The following LZTR1 variants were observed in gnomAD, a reference collection of about 807,000 sequenced individuals.
The protein encoded by LZTR1 is leucine zipper like post translational regulator 1.
LZTR1 carries 260 observed loss-of-function variants against 105.7 expected under a neutral mutation model. The ratio of observed to expected loss-of-function variants is 2.46; its 90% CI spans 2.22 to 2.72. The LOEUF (loss-of-function observed/expected upper bound fraction) is 2.72, where lower values mean the gene tolerates loss of function less well. Among genes scored for constraint, LZTR1 ranks in the 30% most tolerant of loss-of-function variants. LZTR1 has a pLI of 0.00. For synonymous variants in LZTR1, 490 were observed against 476.4 expected (o/e 1.03, Z -0.37); for missense variants, 1,214 against 1,166.9 (o/e 1.04, Z -0.59).
chr22:20,993,750 G>GT lies in LZTR1; in HGVS notation c.1350dup (p.Glu451Ter). ...TTCTGCGACGTGGAGTTCGTGCTGG[G>GT]TGAGGTGGGTGCCTGTCCTCGCACC... On this transcript the variant is annotated frameshift_variant, in exon 12 of 21. Transcript: ENST00000646124. LOFTEE classifies it high-confidence loss of function. 6.2e-7 allele frequency: 1 copy of GT among 1,612,462 alleles called. No homozygotes were observed. Among genetic ancestry groups the GT allele is most frequent in the South Asian group, 1.1e-5 (1 of 91,022 alleles).
chr22:20,995,421 C>T (rs1312760573), intron 16 of LZTR1: 2 of 623,646 alleles, frequency 3.2e-6, no homozygotes, highest in East Asian at 3.5e-5. Flanking sequence ...CGGTTGCTGG[C>T]TCTTGGTGAT....
chr22:20,989,953 G>A (rs1208170419), intron 7 of LZTR1, among the ~76,000 whole-genome samples: 1 of 152,164 alleles, frequency 6.6e-6, no homozygotes, highest in Non-Finnish European at 1.5e-5. Flanking sequence ...TTGGTGCTTT[G>A]GATGGGCAGA....
chr22:20,992,741 C>T, intron 10 of LZTR1, 53 bp from the exon 11 acceptor site: 1 of 1,183,502 alleles, frequency 8.4e-7, no homozygotes, highest in South Asian at 1.3e-5. Flanking sequence ...GCACCAGCCG[C>T]ACTGTGGAGG....
chr22:20,994,428 A>G (rs1924737920), intron 14 of LZTR1, 130 bp from the exon 15 acceptor site: 2 of 1,259,456 alleles, frequency 1.6e-6, no homozygotes, highest in Non-Finnish European at 2.2e-6. Flanking sequence ...GCTGGACGCC[A>G]TCTGAGTCCC....
intron 16 of LZTR1, 39 bp downstream of exon 16, chr22:20,995,065 G>C: frequency 6.3e-7 from 1 of 1,578,872 alleles, no homozygotes; most frequent in Non-Finnish European, 8.6e-7. Flanking sequence ...GGCTGGGAGG[G>C]ATGGTGTTCA....
At position 20,996,701 on chromosome 22, in the gene LZTR1, TG is replaced by T; in HGVS notation, c.2226del (p.Leu742PhefsTer25). ...VNMPPEDSLY[L>X]FAAPYYYGFY... ...GCTCCTTAACCAGGCCCCAGCTACTTGTTTGCGGCCCCCTACTACTACGGCT... is the reference window on the plus strand; with the variant it reads ...GCTCCTTAACCAGGCCCCAGCTACTTTTTGCGGCCCCCTACTACTACGGCT... On this transcript the variant is annotated frameshift_variant, in exon 19 of 21. Coordinates refer to ENST00000646124, the MANE Select transcript of LZTR1 (RefSeq NM_006767.4). LOFTEE classifies it high-confidence loss of function. 1 of 1,613,440 alleles carries T rather than the reference TG, an allele frequency of 6.2e-7. No homozygotes were observed.
At position 20,991,789 on chromosome 22, in the gene LZTR1, T is replaced by TC; in HGVS notation, c.955dup (p.Gln319ProfsTer18). 1 of 1,552,788 alleles carries TC rather than the reference T, an allele frequency of 6.4e-7. No individual in the cohort carries two copies. Among genetic ancestry groups the TC allele is most frequent in the Non-Finnish European group, 8.7e-7 (1 of 1,147,966 alleles). ...GAGCTGCACTGCTATGACGTGGACT[T>TC]CCAGACCTGGGAGGTCGTCCAGCCC... is the stretch of plus-strand genomic sequence containing the variant. On this transcript the variant is annotated frameshift_variant, in exon 9 of 21. Transcript: ENST00000646124. LOFTEE classifies it high-confidence loss of function.
chr22:20,982,411 G>A lies in LZTR1; in HGVS notation c.40G>A (p.Ala14Thr). ...CAGCACGGGGGGGCAGATCGGGGCT[G>A]CGGCCCTGGCAGGCGGCGCGCGGTC... ...PGSTGGQIGA[A>T]ALAGGARSKV... is the part of the protein sequence containing the mutation. Residue 14 changes from alanine to threonine, a missense_variant, in exon 1 of 21, where the codon GCG becomes ACG. By Grantham distance (58) the Ala-to-Thr change is moderately conservative. Coordinates refer to ENST00000646124, the MANE Select transcript of LZTR1 (RefSeq NM_006767.4). 6.4e-7 allele frequency: 1 copy of A among 1,568,646 alleles called. No individual in the cohort carries two copies. Among genetic ancestry groups the A allele is most frequent in the African/African-American group, 1.3e-5 (1 of 74,198 alleles).
At chr22:20,987,925 G>C in intron 4 of LZTR1, 85 bp from the exon 5 acceptor site, 1 of 819,582 alleles carries the variant, frequency 1.2e-6, no homozygotes, top group Admixed American at 2.1e-5. Flanking sequence ...ATTTTCAGGG[G>C]GGCCAGATTC....
rs146445881 is a variant in LZTR1 at position 20,996,324 on chromosome 22, T to C, written c.2219+212T>C. The C allele has an allele frequency of 1.7e-3, 1,042 of 614,732 alleles. 23 individuals carry two copies. In the East Asian group the frequency reaches 0.028, roughly 16 times the overall value. 38.1% of individuals were successfully genotyped at this position (614,732 alleles called of 1,614,324 possible). ...GGGGTTTGCAGCCAGGAGGAACCAG[T>C]GGGTTCCTGACCCTCACAACTGCCC... On this transcript the variant is annotated intron_variant, in intron 18 of 20. Coordinates refer to ENST00000646124, the MANE Select transcript of LZTR1 (RefSeq NM_006767.4).
chr22:20,991,917 C>T, intron 9 of LZTR1, 88 bp downstream of exon 9: 1 of 1,291,362 alleles, frequency 7.7e-7, no homozygotes, highest in South Asian at 1.4e-5. Flanking sequence ...AGCTTTGGGG[C>T]CCCCTGGGGT....
At chr22:20,997,181 G>A (rs748543741) in intron 20 of LZTR1, 51 bp from the exon 21 acceptor site, 1 of 1,303,750 alleles carries the variant, frequency 7.7e-7, no homozygotes, top group Non-Finnish European at 1.1e-6. Flanking sequence ...TGCCCACCAT[G>A]GCCCTTAGGT....
rs765770040 is a variant in LZTR1, at chr22:20,995,768, G to A, written c.1965G>A (p.Met655Ile). Residue 655 changes from methionine to isoleucine, a missense_variant, in exon 17 of 21, where the codon ATG becomes ATA. Physicochemically the swap from Met to Ile is conservative, Grantham distance 10 (BLOSUM62 1). Coordinates refer to ENST00000646124, the MANE Select transcript of LZTR1 (RefSeq NM_006767.4). ...CAGGCACATCTCTGATCCAGGACAT[G>A]AAGGCATACCTGGAGGGAGCGGGCG... ...VDIGTSLIQD[M>I]KAYLEGAGAE... 6.2e-7 allele frequency: 1 copy of A among 1,613,632 alleles called. No individual in the cohort carries two copies. Among genetic ancestry groups the A allele is most frequent in the South Asian group, 1.1e-5 (1 of 91,084 alleles).
chr22:20,997,579 T>A lies in LZTR1; in HGVS notation c.*231T>A. 1 of 488,010 alleles carries A rather than the reference T, an allele frequency of 2.0e-6. No individual in the cohort carries two copies. Among genetic ancestry groups the A allele is most frequent in the East Asian group, 3.6e-5 (1 of 27,528 alleles). 30.2% of individuals were successfully genotyped at this position (488,010 alleles called of 1,614,324 possible). ...GGATGATGAAGCAGACCCCCTCCTG[T>A]CATCACCCTCTCCTGGTGTAGTGTG... On this transcript the variant is annotated 3_prime_UTR_variant, in exon 21 of 21. Transcript: ENST00000646124.
rs373975296 is a variant in LZTR1, at chr22:20,995,993, G to T, written c.2100G>T (p.Met700Ile). The change falls in exon 18 of 21, where the codon ATG becomes ATT. Residue 700 changes from methionine (M) to isoleucine (I), a missense_variant. Physicochemically the swap from Met to Ile is conservative, Grantham distance 10. Transcript: ENST00000646124. Reference sequence around the variant, plus strand: ...TTGAAGCCATGTTCCGGTCCTTCATGCCCGAAGATGGGCAGGTGAACATCT... The same window carrying T: ...TTGAAGCCATGTTCCGGTCCTTCATTCCCGAAGATGGGCAGGTGAACATCT... Reference protein sequence around the residue: ...SYFEAMFRSFMPEDGQVNISI... With the variant: ...SYFEAMFRSFIPEDGQVNISI... 3.7e-6 allele frequency: 6 copies of T among 1,613,640 alleles called. No individual in the cohort carries two copies. Among genetic ancestry groups the T allele is most frequent in the Non-Finnish European group, 5.1e-6 (6 of 1,180,036 alleles).
intron 3 of LZTR1, 93 bp from the exon 4 acceptor site, chr22:20,987,406 AAAAAG>A (rs1924429611): frequency 2.9e-6 from 2 of 683,330 alleles, no homozygotes; most frequent in Non-Finnish European, 5.2e-6. Flanking sequence ...AAAAAAAAGA[AAAAAG>A]AAAGGCAGCA....
chr22:20,994,489 G>C lies in LZTR1; in HGVS notation c.1616-69G>C, dbSNP rs941983483. The C allele has an allele frequency of 2.6e-6, 4 of 1,520,486 alleles. 1 individual carries two copies. Among genetic ancestry groups the C allele is most frequent in the Non-Finnish European group, 3.6e-6 (4 of 1,116,036 alleles). 94.2% of individuals were successfully genotyped at this position (1,520,486 alleles called of 1,614,324 possible). The stretch of plus-strand genomic sequence containing the variant: ...CCCCAGCCCACACTCTTCCATGGGG[G>C]GAGCCCTGCGCCCTGTGCCCTGCCC... On this transcript the variant is annotated intron_variant, in intron 14 of 20. Transcript: ENST00000646124.
At chr22:20,982,653 G>A (rs2147957021) in intron 1 of LZTR1, 82 bp downstream of exon 1, 1 of 1,396,224 alleles carries the variant, frequency 7.2e-7, no homozygotes, top group Non-Finnish European at 9.9e-7. Flanking sequence ...CGAAGCCGGG[G>A]GGTGGTGTCC....
At position 20,994,961 on chromosome 22, in the gene LZTR1, T is replaced by G; in HGVS notation, c.1877T>G (p.Val626Gly). Residue 626 changes from valine to glycine, a missense_variant, in exon 16 of 21, where the codon GTG (valine) becomes GGG (glycine). Coordinates refer to ENST00000646124, the MANE Select transcript of LZTR1 (RefSeq NM_006767.4). ...EFERLSSPLI[V>G]EIVRRKQQPP... ...GAGCGCCTCTCCTCTCCACTGATAG[T>G]GGAGATTGTGCGGCGGAAGCAGCAG... 6.2e-7 allele frequency: 1 copy of G among 1,613,248 alleles called. No individual in the cohort carries two copies. Among genetic ancestry groups the G allele is most frequent in the Non-Finnish European group, 8.5e-7 (1 of 1,179,980 alleles).
Sources: gnomAD v4.1 joint callset for allele counts (sites outside exome capture counted in the v4.1 genomes callset) on GRCh38, gnomAD v4.1.1 for gene constraint, MANE v1.5 for transcripts, NCBI Gene and HGNC (gene_info 2026-07-23, HGNC 2026-07-21) for gene names.